The following GAR1 variants were observed in gnomAD, a reference collection of about 807,000 sequenced individuals.
GAR1 encodes H/ACA ribonucleoprotein complex subunit 1.
In GAR1, 11 loss-of-function variants were observed where a neutral mutation model predicts 29.3. That is an observed-to-expected ratio of 0.38 (90% CI 0.24 to 0.62). The LOEUF (loss-of-function observed/expected upper bound fraction) is 0.62. Ranked by LOEUF, GAR1 falls within the 20% of genes least tolerant of loss-of-function variation. The pLI is 0.62. For missense variants in GAR1, 237 were observed against 268.4 expected (o/e 0.88, Z 0.82); for synonymous variants, 87 against 93.3 (o/e 0.93, Z 0.39).
intron 5 of GAR1, among the ~76,000 whole-genome samples, chr4:109,822,743 A>G (rs1367661865): frequency 4.6e-5 from 7 of 152,230 alleles, no homozygotes; most frequent in Non-Finnish European, 4.4e-5. Flanking sequence ...TGGACATTTT[A>G]ATAAACCGTA....
Position 109,819,036 on chromosome 4 carries a change from T to G in GAR1, c.405T>G (p.Ala135=), listed in dbSNP as rs942450499. The change falls in exon 4 of 7, where the codon GCT becomes GCG. Residue 135 remains alanine (A), a synonymous_variant. Transcript: ENST00000226796. ...FSVKLSENMK[A]SSFKKLQKFY... Reference sequence around the variant, plus strand: ...TTAAGTTGTCAGAAAACATGAAGGCTTCATCCTTTAAAAAACTACAGAAGG... The same window carrying G: ...TTAAGTTGTCAGAAAACATGAAGGCGTCATCCTTTAAAAAACTACAGAAGG... 11 of 1,507,730 alleles carry G rather than the reference T, an allele frequency of 7.3e-6. No homozygotes were observed. Among genetic ancestry groups the G allele is most frequent in the Non-Finnish European group, 1.0e-5 (11 of 1,085,732 alleles). The allele number at this position is 1,507,730 out of a possible 1,614,324, so 93.4% of individuals were successfully genotyped here.
intron 1 of GAR1, 65 bp downstream of exon 1, chr4:109,815,869 G>T (rs1733334085): frequency 5.0e-6 from 2 of 403,588 alleles, no homozygotes; most frequent in Non-Finnish European, 8.9e-6. Context: ...GCCGGAGGGA[G>T]GGAGGAAGGA....
Position 109,816,285 on chromosome 4 carries a change from T to G in GAR1, c.121T>G (p.Phe41Val). ...GGGGGGGGGN[F>V]RGGGRGGFGR... ...AGGCGGCGGTGGAGGCGGCGGCAAT[T>G]TCAGAGGCGGCGGCAGGGGAGGATT... Residue 41 changes from phenylalanine to valine, a missense_variant, in exon 2 of 7, where the codon TTC (phenylalanine) becomes GTC (valine). By Grantham distance (50) the Phe-to-Val change is conservative. Transcript: ENST00000226796. 1 of 1,611,232 alleles carries G rather than the reference T, an allele frequency of 6.2e-7. No individual in the cohort carries two copies. Among genetic ancestry groups the G allele is most frequent in the East Asian group, 2.2e-5 (1 of 44,852 alleles).
In GAR1 at chr4:109,821,865, T is replaced by G. The variant is rs142223459; in HGVS notation, c.430-482T>G. Among the ~76,000 whole-genome samples the G allele has an allele frequency of 2.6e-3, 401 of 151,986 alleles. 4 individuals carry two copies. Among genetic ancestry groups the G allele is most frequent in the African/African-American group, 9.4e-3 (390 of 41,424 alleles). ...TACTCTATTCTCTACATTTTACAGA[T>G]AAGGAAACTAAGGTAAACTAACACA... On this transcript the variant is annotated intron_variant, in intron 4 of 6. Transcript: ENST00000226796.
chr4:109,820,438 T>A (rs929445668), intron 4 of GAR1, among the ~76,000 whole-genome samples: 1 of 151,992 alleles, frequency 6.6e-6, no homozygotes, highest in Non-Finnish European at 1.5e-5. Flanking sequence ...GAATTGGGAA[T>A]TTGTTAAGTA....
intron 3 of GAR1, 62 bp downstream of exon 3, chr4:109,818,152 G>A (rs1733404168): frequency 1.7e-6 from 2 of 1,203,464 alleles, no homozygotes; most frequent in East Asian, 4.7e-5. Context: ...TTTTTCTGAG[G>A]AGGCAGTTAA....
At chr4:109,817,582 C>G (rs1280224503) in intron 2 of GAR1, among the ~76,000 whole-genome samples, 2 of 152,126 alleles carry the variant, frequency 1.3e-5, no homozygotes, top group African/African-American at 4.8e-5. Context: ...ATAACTGTTA[C>G]AGGTTGAATG....
At chr4:109,819,111 CTA>C (rs1179511489) in intron 4 of GAR1, 51 bp downstream of exon 4, 3 of 936,638 alleles carry the variant, frequency 3.2e-6, no homozygotes, top group Non-Finnish European at 5.3e-6. Context: ...AGGGAACGAC[CTA>C]TCTTAGGAAA....
chr4:109,822,443 CGAGGAGGAGGAAGAG>C lies in GAR1; in HGVS notation c.534_548del (p.Gly184_Gly188del). 6.2e-7 allele frequency: 1 copy of C among 1,607,484 alleles called. No individual in the cohort carries two copies. Reference sequence around the variant, plus strand: ...TCCAAGAGGTGGTGGCAGGGGAGGCCGAGGAGGAGGAAGAGGAGGAGGTGGCAGAGGTGGTGGCAG... The same window carrying C: ...TCCAAGAGGTGGTGGCAGGGGAGGCCGAGGAGGTGGCAGAGGTGGTGGCAG... On this transcript the variant is annotated inframe_deletion, in exon 5 of 7. Transcript: ENST00000226796.
At chr4:109,821,418 C>T (rs200868047) in intron 4 of GAR1, among the ~76,000 whole-genome samples, 1 of 152,112 alleles carries the variant, frequency 6.6e-6, no homozygotes, top group Non-Finnish European at 1.5e-5. Flanking sequence ...TATTATAAGT[C>T]ATATATTACA....
chr4:109,823,648 G>C (rs2125890411), intron 5 of GAR1, among the ~76,000 whole-genome samples: 1 of 152,210 alleles, frequency 6.6e-6, no homozygotes, highest in Admixed American at 6.5e-5. Flanking sequence ...TCATAAGCAA[G>C]AGCTAAGGCA....
At chr4:109,822,560 A>G in intron 5 of GAR1, 72 bp downstream of exon 5, 2 of 1,487,394 alleles carry the variant, frequency 1.3e-6, no homozygotes, top group Non-Finnish European at 1.8e-6. Flanking sequence ...AATACAATTT[A>G]GCTTTGTACA....
At chr4:109,823,929 A>G (rs767522583) in intron 5 of GAR1, 36 bp from the exon 6 acceptor site, 19 of 1,317,642 alleles carry the variant, frequency 1.4e-5, no homozygotes, top group Non-Finnish European at 2.1e-5. Flanking sequence ...TTGTTATTTA[A>G]ATACTTTGCG....
chr4:109,816,203 A>C lies in GAR1; in HGVS notation c.39A>C (p.Arg13=), dbSNP rs147947279. 3.1e-6 allele frequency: 5 copies of C among 1,611,562 alleles called. No homozygotes were observed. The East Asian group carries it at 1.1e-4, about 36-fold the overall frequency. Residue 13 remains arginine (R), a synonymous_variant, in exon 2 of 7, where the codon CGA becomes CGC. Coordinates refer to ENST00000226796, the MANE Select transcript of GAR1 (RefSeq NM_018983.4). The part of the protein sequence containing the change: ...FRGGGRGGFN[R]GGGGGGFNRG... ...GCGGAGGTCGTGGAGGCTTTAATCG[A>C]GGTGGTGGAGGTGGCGGCTTCAACC...
rs774579065 is a variant in GAR1, at chr4:109,816,322, G to A, written c.158G>A (p.Gly53Asp). ...GGGRGGFGRG[G>D]GRGGFNKGQD... is the part of the protein sequence containing the mutation. ...GGCAGGGGAGGATTTGGACGAGGGG[G>A]TGGCCGCGGAGGCTTTAACAAAGGC... Residue 53 changes from glycine to aspartate, a missense_variant, in exon 2 of 7, where the codon GGT (glycine) becomes GAT (aspartate). By Grantham distance (94) the Gly-to-Asp change is moderately conservative (BLOSUM62 -1). Coordinates refer to ENST00000226796, the MANE Select transcript of GAR1 (RefSeq NM_018983.4). 1.2e-6 allele frequency: 2 copies of A among 1,613,534 alleles called. No individual in the cohort carries two copies. The highest frequency in any genetic ancestry group is 8.5e-7 in the Non-Finnish European group (1 of 1,179,908).
At position 109,822,395 on chromosome 4, in the gene GAR1, C is replaced by A; in HGVS notation, c.478C>A (p.Arg160=). The A allele has an allele frequency of 6.2e-7, 1 of 1,609,670 alleles. No homozygotes were observed. The highest frequency in any genetic ancestry group is 8.5e-7 in the Non-Finnish European group (1 of 1,177,684). ...GCTGCCACTGCAGAGGTTTTTACCTCGACCTCCAGGTGAGAAAGGACCTCC... is the reference window on the plus strand; with the variant it reads ...GCTGCCACTGCAGAGGTTTTTACCTAGACCTCCAGGTGAGAAAGGACCTCC... ...KLLPLQRFLP[R]PPGEKGPPRG... The change falls in exon 5 of 7, where the codon CGA becomes AGA. Residue 160 remains arginine, a synonymous_variant. Coordinates refer to ENST00000226796, the MANE Select transcript of GAR1 (RefSeq NM_018983.4).
At chr4:109,822,698 AG>A in intron 5 of GAR1, 1 of 425,690 alleles carries the variant, frequency 2.3e-6, no homozygotes, top group South Asian at 5.2e-5. Flanking sequence ...TATACTTTTG[AG>A]GGACTTCATT....
intron 2 of GAR1, 39 bp downstream of exon 2, chr4:109,816,417 G>T (rs1339328796): frequency 6.3e-7 from 1 of 1,583,218 alleles, no homozygotes; most frequent in Non-Finnish European, 8.7e-7. Context: ...TGAAGGAGTA[G>T]GTGTGGGTTG....
At position 109,817,094 on chromosome 4, in the gene GAR1, A is replaced by G. The variant is rs149338432; in HGVS notation, c.214+716A>G. ...CTAAGAATGGCTTGGATGAGTATGC[A>G]GGATGGTTTGAAAGGAGCAGTTTCT... On this transcript the variant is annotated intron_variant, in intron 2 of 6. Transcript: ENST00000226796. Among the ~76,000 whole-genome samples, 477 of 152,292 alleles carry G rather than the reference A, an allele frequency of 3.1e-3. 9 individuals carry two copies. Among genetic ancestry groups the G allele is most frequent in the Non-Finnish European group, 4.7e-4 (32 of 68,018 alleles).
Sources: allele counts gnomAD v4.1 joint callset (sites outside exome capture counted in the v4.1 genomes callset), GRCh38; gene constraint gnomAD v4.1.1; transcripts MANE v1.5; gene names NCBI Gene and HGNC (gene_info 2026-07-23, HGNC 2026-07-21).